The following CHM variants were observed in gnomAD, a reference collection of about 807,000 sequenced individuals.
CHM encodes the protein rab proteins geranylgeranyltransferase component A 1.
CHM carries 10 observed loss-of-function variants against 49.0 expected under a neutral mutation model. The ratio of observed to expected loss-of-function variants is 0.20; its 90% CI spans 0.13 to 0.35. The LOEUF is 0.35. CHM is among the 10% of genes least tolerant of loss of function. CHM has a pLI of 1.00. For missense variants in CHM, 455 were observed against 478.4 expected, an observed-to-expected ratio of 0.95 and a Z score of 0.46; for synonymous variants, 184 against 167.5, an observed-to-expected ratio of 1.10 and a Z score of -0.76.
rs749951500 is a variant in CHM at position 85,970,048 on chromosome X, C to A, written c.315-5996G>T. On this transcript the variant is annotated intron_variant, in intron 4 of 14. Transcript: ENST00000357749. ...CACACAGTAAGGTGAGTATAGCTAA[C>A]AATAATGCATTGCATATTTCAAATA... 1.3e-4 allele frequency: 15 copies of A among 113,970 alleles called. No individual in the cohort carries two copies. In the South Asian group the frequency reaches 5.6e-3, roughly 43 times the overall value. The allele number at this position is 113,970 out of a possible 1,213,427, so 9.4% of individuals were successfully genotyped here.
At chrX:85,906,344 C>G (rs1053779713) in intron 9 of CHM, among the ~76,000 whole-genome samples, 1 of 111,998 alleles carries the variant, frequency 8.9e-6, no homozygotes, top group African/African-American at 3.2e-5. Context: ...TCTCCCCCAC[C>G]ACTGGATTCC....
intron 2 of CHM, among the ~76,000 whole-genome samples, chrX:85,985,000 A>T (rs1931827587): frequency 9.0e-6 from 1 of 111,305 alleles, no homozygotes; most frequent in Admixed American, 9.5e-5. Flanking sequence ...GGGAGGTTAG[A>T]CCCCCATACA....
intron 12 of CHM, among the ~76,000 whole-genome samples, chrX:85,880,905 C>T (rs1924719762): frequency 8.9e-6 from 1 of 111,739 alleles, no homozygotes; most frequent in South Asian, 3.7e-4. Context: ...ACCTAGGTCA[C>T]CTTCTAGTAT....
At chrX:85,889,055 A>C (rs1186807077) in intron 12 of CHM, among the ~76,000 whole-genome samples, 2 of 112,213 alleles carry the variant, frequency 1.8e-5, no homozygotes, top group Non-Finnish European at 3.8e-5. Flanking sequence ...TTTCTTTTTC[A>C]TATCTTCCAA....
chrX:85,925,162 A>G (rs1928011913), intron 8 of CHM, among the ~76,000 whole-genome samples: 1 of 111,391 alleles, frequency 9.0e-6, no homozygotes, highest in African/African-American at 3.3e-5. Flanking sequence ...AGCCTTCTAA[A>G]ATACTGAGGG....
At chrX:85,902,070 A>G (rs757152624) in intron 9 of CHM, among the ~76,000 whole-genome samples, 1 of 112,070 alleles carries the variant, frequency 8.9e-6, no homozygotes, top group Non-Finnish European at 1.9e-5. Context: ...TTCAGGAACT[A>G]TATGCAAATG....
chrX:85,944,317 G>A (rs998762227), intron 8 of CHM, among the ~76,000 whole-genome samples: 1 of 111,725 alleles, frequency 9.0e-6, no homozygotes, highest in Admixed American at 9.5e-5. Flanking sequence ...AAAACACTCC[G>A]TAAAATGTAT....
chrX:85,963,305 T>C (rs1308300677), intron 5 of CHM, among the ~76,000 whole-genome samples: 3 of 112,055 alleles, frequency 2.7e-5, no homozygotes, highest in Non-Finnish European at 5.6e-5. Flanking sequence ...ATAGTTACTA[T>C]ACATAAAGGC....
chrX:85,930,128 A>T (rs1006275008), intron 8 of CHM, among the ~76,000 whole-genome samples: 6 of 112,053 alleles, frequency 5.4e-5, no homozygotes, highest in African/African-American at 1.9e-4. Flanking sequence ...TAAGTTTTTT[A>T]AAAAAGAAAG....
intron 2 of CHM, among the ~76,000 whole-genome samples, chrX:86,021,996 A>G (rs1933624136): frequency 8.9e-6 from 1 of 111,807 alleles, no homozygotes; most frequent in Non-Finnish European, 1.9e-5. Context: ...TCATAGACAG[A>G]AAGTGGAGTA....
chrX:86,017,428 T>C (rs2147776526), intron 2 of CHM, among the ~76,000 whole-genome samples: 1 of 111,682 alleles, frequency 9.0e-6, no homozygotes, highest in East Asian at 2.8e-4. Context: ...TGGGAAATAA[T>C]TTGAATTATG....
chrX:86,025,178 G>A (rs1933753800), intron 2 of CHM, among the ~76,000 whole-genome samples: 1 of 111,617 alleles, frequency 9.0e-6, no homozygotes, highest in African/African-American at 3.3e-5. Flanking sequence ...TACAAGAGAA[G>A]AAGAAAAGTT....
At chrX:85,964,839 TCTGCCTG>T (rs1930493602) in intron 4 of CHM, among the ~76,000 whole-genome samples, 1 of 102,819 alleles carries the variant, frequency 9.7e-6, no homozygotes. Flanking sequence ...TCCCATTCAG[TCTGCCTG>T]CTTTATGAAT....
Position 85,864,595 on chromosome X carries a change from T to A in CHM, c.*35A>T. On this transcript the variant is annotated 3_prime_UTR_variant, in exon 15 of 15. Transcript: ENST00000357749. ...AGTAGACTCTGAGACCAGTCAGAAT[T>A]TCCAAAGTTGGGTATCCAGTTTGGT... 1 of 1,144,470 alleles carries A rather than the reference T, an allele frequency of 8.7e-7. No homozygotes were observed. Among genetic ancestry groups the A allele is most frequent in the Non-Finnish European group, 1.2e-6 (1 of 837,126 alleles). The allele number at this position is 1,144,470 out of a possible 1,213,427, so 94.3% of individuals were successfully genotyped here.
chrX:86,046,063 T>G (rs1305304858), intron 1 of CHM, among the ~76,000 whole-genome samples: 1 of 112,460 alleles, frequency 8.9e-6, no homozygotes, highest in African/African-American at 3.2e-5. Context: ...CCCAGGCATT[T>G]TTTGTTAGAC....
intron 4 of CHM, among the ~76,000 whole-genome samples, chrX:85,976,919 G>C (rs1416000469): frequency 9.6e-6 from 1 of 103,842 alleles, no homozygotes; most frequent in Non-Finnish European, 2.0e-5. Flanking sequence ...CACACAGAAA[G>C]AAAATGAGGT....
At chrX:85,948,921 G>A (rs780180683) in intron 8 of CHM, among the ~76,000 whole-genome samples, 6 of 111,809 alleles carry the variant, frequency 5.4e-5, no homozygotes, top group Non-Finnish European at 1.1e-4. Context: ...TGTAGGTCAA[G>A]GAAATGCATG....
chrX:85,967,197 C>T (rs1180653681), intron 4 of CHM, among the ~76,000 whole-genome samples: 1 of 111,621 alleles, frequency 9.0e-6, no homozygotes, highest in Non-Finnish European at 1.9e-5. Flanking sequence ...CACTGACATC[C>T]TCAGAAAGCA....
In CHM at chrX:85,963,930, A is replaced by G; in HGVS notation, c.437T>C (p.Leu146Ser). ...SAFLPTEDES[L>S]STMSCEMLTE... ...GAGCATTTCACAGCTCATAGTGCTT[A>G]ATGACTCATCCTCCGTAGGCAGGAA... The change falls in exon 5 of 15, where the codon TTA becomes TCA. Residue 146 changes from leucine (L) to serine (S), a missense_variant. By Grantham distance (145) the Leu-to-Ser change is moderately radical. Coordinates refer to ENST00000357749, the MANE Select transcript of CHM (RefSeq NM_000390.4). 2 of 1,210,982 alleles carry G rather than the reference A, an allele frequency of 1.7e-6. No homozygotes were observed. The highest frequency in any genetic ancestry group is 2.2e-6 in the Non-Finnish European group (2 of 895,352).
Sources: allele counts gnomAD v4.1 joint callset (sites outside exome capture counted in the v4.1 genomes callset), GRCh38; gene constraint gnomAD v4.1.1; transcripts MANE v1.5; gene names NCBI Gene and HGNC (gene_info 2026-07-23, HGNC 2026-07-21).